The following SPEN variants were observed in gnomAD, a reference collection of about 807,000 sequenced individuals.
SPEN encodes the protein spen family transcriptional repressor.
A neutral mutation model predicts 269.9 loss-of-function variants in SPEN; 18 were observed. That is an observed-to-expected ratio of 0.07 (90% CI 0.05 to 0.10). SPEN has a LOEUF of 0.10. SPEN is among the 10% of genes least tolerant of loss of function. The probability of loss-of-function intolerance (pLI) is 1.00; values close to 1 mark genes in which losing one functional copy is unlikely to be tolerated. For synonymous variants in SPEN, 1,726 were observed against 1,765.7 expected (o/e 0.98, Z 0.56); for missense variants, 3,822 against 4,631.2 (o/e 0.83, Z 5.07).
In SPEN at chr1:15,928,975, C is replaced by T; in HGVS notation, c.2735C>T (p.Ala912Val). The T allele has an allele frequency of 6.2e-7, 1 of 1,614,172 alleles. No homozygotes were observed. The highest frequency in any genetic ancestry group is 8.5e-7 in the Non-Finnish European group (1 of 1,180,036). Residue 912 changes from alanine (A) to valine (V), a missense_variant, in exon 11 of 15, where the codon GCC becomes GTC. This residue lies in a region of SPEN where 572 missense variants were observed against 582.6 expected (regional missense o/e 0.98). Coordinates refer to ENST00000375759, the MANE Select transcript of SPEN (RefSeq NM_015001.3). The surrounding 1 kb of genome is among the most constrained non-coding windows in gnomAD (Gnocchi z 5.7). Reference protein sequence around the residue: ...KLDNDTVKSSALDQKLQVSQT... With the variant: ...KLDNDTVKSSVLDQKLQVSQT... ...GATAATGACACTGTCAAATCTTCTG[C>T]CCTGGACCAGAAACTTCAGGTCTCT...
chr1:15,932,165 C>G lies in SPEN; in HGVS notation c.5925C>G (p.Leu1975=), dbSNP rs751872803. 15 of 1,612,380 alleles carry G rather than the reference C, an allele frequency of 9.3e-6. No individual in the cohort carries two copies. In the Admixed American group the frequency reaches 2.2e-4, roughly 23 times the overall value. The change falls in exon 11 of 15, where the codon CTC becomes CTG. Residue 1975 remains leucine (L), a synonymous_variant. Transcript: ENST00000375759. The surrounding 1 kb of genome is among the most constrained non-coding windows in gnomAD (Gnocchi z 4.2). ...ENEAKEPAET[L]KPPEGWRSPR... is the part of the protein sequence containing the mutation. ...AGGCCAAGGAACCTGCAGAAACACT[C>G]AAGCCACCTGAGGGATGGCGGTCGC...
At chr1:15,859,881 G>T (rs2070425700) in intron 1 of SPEN, among the ~76,000 whole-genome samples, 1 of 137,586 alleles carries the variant, frequency 7.3e-6, no homozygotes, top group African/African-American at 2.7e-5. Context: ...TATTTAATAA[G>T]TATAAAGAAT....
rs572038841 is a variant in SPEN at position 15,860,059 on chromosome 1, C to T, written c.83+11909C>T. ...CCTGAGTAGCTGGGATTACAGGCGC[C>T]CGCCACCACACCCGGCTAATTTTTT... is the stretch of plus-strand genomic sequence containing the variant. On this transcript the variant is annotated intron_variant, in intron 1 of 14. Transcript: ENST00000375759. Among the ~76,000 whole-genome samples the T allele has an allele frequency of 2.8e-3, 425 of 151,216 alleles. 3 individuals carry two copies. The highest frequency in any genetic ancestry group is 3.9e-3 in the Non-Finnish European group (267 of 67,762).
In SPEN at chr1:15,929,319, G is replaced by A; in HGVS notation, c.3079G>A (p.Val1027Ile). The A allele has an allele frequency of 1.2e-6, 2 of 1,614,072 alleles. No individual in the cohort carries two copies. The change falls in exon 11 of 15, where the codon GTC (valine) becomes ATC (isoleucine). Residue 1027 changes from valine (V) to isoleucine (I), a missense_variant. Coordinates refer to ENST00000375759, the MANE Select transcript of SPEN (RefSeq NM_015001.3). The surrounding 1 kb of genome is among the most constrained non-coding windows in gnomAD (Gnocchi z 5.8). ...GCAGCCTGACGTGTCCTCTAGAGAG[G>A]TCATTCTGCTGAGGGAAGGAGAGGC... ...KKQPDVSSREVILLREGEAER... is the reference protein window; with the variant it reads ...KKQPDVSSREIILLREGEAER...
At chr1:15,882,191 C>G (rs1413419335) in intron 3 of SPEN, among the ~76,000 whole-genome samples, 2 of 152,190 alleles carry the variant, frequency 1.3e-5, no homozygotes, top group Admixed American at 1.3e-4. Context: ...TACTGCTCGA[C>G]GTCTTTTTGT....
intron 1 of SPEN, 72 bp from the exon 2 acceptor site, chr1:15,872,744 C>G: frequency 7.5e-7 from 1 of 1,325,100 alleles, no homozygotes; most frequent in South Asian, 1.7e-5. Flanking sequence ...GCAAATTGTC[C>G]AAAAAAAATC....
In SPEN at chr1:15,929,005, C is replaced by T. The variant is rs140341054; in HGVS notation, c.2765C>T (p.Thr922Met). The T allele has an allele frequency of 4.0e-4, 646 of 1,614,180 alleles. No individual in the cohort carries two copies. Among genetic ancestry groups the T allele is most frequent in the Non-Finnish European group, 5.2e-4 (616 of 1,180,050 alleles). ...ALDQKLQVSQ[T>M]EPAKSDLSKL... ...GACCAGAAACTTCAGGTCTCTCAGA[C>T]GGAGCCTGCAAAATCTGACTTGTCT... The change falls in exon 11 of 15, where the codon ACG becomes ATG. Residue 922 changes from threonine (T) to methionine (M), a missense_variant. Thr to Met is a moderately conservative substitution (Grantham distance 81, BLOSUM62 -1). Coordinates refer to ENST00000375759, the MANE Select transcript of SPEN (RefSeq NM_015001.3). The surrounding 1 kb of genome is among the most constrained non-coding windows in gnomAD (Gnocchi z 5.8).
intron 11 of SPEN, among the ~76,000 whole-genome samples, chr1:15,936,501 T>C (rs1465970169): frequency 2.0e-5 from 3 of 151,276 alleles, no homozygotes; most frequent in Non-Finnish European, 2.9e-5. Flanking sequence ...TTACAAAAAT[T>C]AGCCAGGTGT....
chr1:15,935,231 A>G lies in SPEN; in HGVS notation c.8991A>G (p.Glu2997=), dbSNP rs2071262788. 4 of 1,614,124 alleles carry G rather than the reference A, an allele frequency of 2.5e-6. No homozygotes were observed. Among genetic ancestry groups the G allele is most frequent in the Non-Finnish European group, 2.5e-6 (3 of 1,180,008 alleles). ...PPALPSKLPT[E]VNHVPSGPSI... ...CTCTGCCCAGCAAACTGCCTACAGA[A>G]GTCAACCATGTCCCCTCGGGGCCCA... Residue 2997 remains glutamate, a synonymous_variant, in exon 11 of 15, where the codon GAA becomes GAG. Transcript: ENST00000375759. The surrounding 1 kb of genome is among the most constrained non-coding windows in gnomAD (Gnocchi z 7.7).
intron 3 of SPEN, among the ~76,000 whole-genome samples, chr1:15,887,820 G>A (rs543853707): frequency 2.5e-4 from 38 of 150,686 alleles, no homozygotes; most frequent in African/African-American, 8.7e-4. Flanking sequence ...TCAGGAGTTC[G>A]AGACCAACCT....
chr1:15,886,869 G>GT (rs1182214603), intron 3 of SPEN, among the ~76,000 whole-genome samples: 1 of 152,160 alleles, frequency 6.6e-6, no homozygotes, highest in Non-Finnish European at 1.5e-5. Flanking sequence ...CAATTAGGTT[G>GT]TACTGAGGTT....
intron 3 of SPEN, among the ~76,000 whole-genome samples, chr1:15,902,398 T>C (rs182975499): frequency 6.6e-6 from 1 of 152,278 alleles, no homozygotes; most frequent in East Asian, 1.9e-4. Flanking sequence ...TAAAAGGATT[T>C]TGGGTCCTCA....
intron 10 of SPEN, among the ~76,000 whole-genome samples, chr1:15,925,342 A>G (rs1410016365): frequency 6.6e-6 from 1 of 152,138 alleles, no homozygotes; most frequent in Non-Finnish European, 1.5e-5. Context: ...GGTTTTGTGA[A>G]CAGAGTTCTC....
At chr1:15,910,627 G>GT (rs568465031) in intron 4 of SPEN, among the ~76,000 whole-genome samples, 14,296 of 141,708 alleles carry the variant, frequency 0.1, 811 homozygotes, top group African/African-American at 0.16. Flanking sequence ...ACTGTTTTTT[G>GT]TTTTTTTTTT....
chr1:15,891,350 A>G (rs2070786606), intron 3 of SPEN, among the ~76,000 whole-genome samples: 1 of 149,302 alleles, frequency 6.7e-6, no homozygotes, highest in African/African-American at 2.5e-5. Flanking sequence ...ACACTTAGCT[A>G]AATTTTTTTT....
Position 15,934,430 on chromosome 1 carries a change from T to A in SPEN, c.8190T>A (p.Ser2730Arg). The A allele has an allele frequency of 1.2e-6, 2 of 1,613,884 alleles. No homozygotes were observed. ...CAGGCACAGTCAATGCCGCTGCGAG[T>A]GCAGTGAATGCCACAGCAAGTGCAG... ...AAPGTVNAAA[S>R]AVNATASAVT... Residue 2730 changes from serine to arginine, a missense_variant, in exon 11 of 15, where the codon AGT becomes AGA. Around this residue, in one of 16 missense-constraint regions of SPEN, gnomAD observed 329 missense variants for 431.2 expected, o/e 0.76. Coordinates refer to ENST00000375759, the MANE Select transcript of SPEN (RefSeq NM_015001.3). The surrounding 1 kb of genome is among the most constrained non-coding windows in gnomAD (Gnocchi z 9.2).
chr1:15,918,418 C>G (rs887158490), intron 6 of SPEN, among the ~76,000 whole-genome samples: 1 of 152,164 alleles, frequency 6.6e-6, no homozygotes, highest in Non-Finnish European at 1.5e-5. Context: ...AGGTTTTCAC[C>G]GTGTTGGCCA....
chr1:15,918,293 A>T (rs980710086), intron 6 of SPEN, among the ~76,000 whole-genome samples: 2 of 152,276 alleles, frequency 1.3e-5, no homozygotes, highest in African/African-American at 4.8e-5. Flanking sequence ...ATCTTGGCTT[A>T]CCGCAACCTC....
Position 15,937,473 on chromosome 1 carries a change from C to T in SPEN, c.10337C>T (p.Ser3446Phe), listed in dbSNP as rs372207091. 2 of 1,613,918 alleles carry T rather than the reference C, an allele frequency of 1.2e-6. No homozygotes were observed. Among genetic ancestry groups the T allele is most frequent in the Non-Finnish European group, 1.7e-6 (2 of 1,180,040 alleles). The change falls in exon 12 of 15, where the codon TCT becomes TTT. Residue 3446 changes from serine to phenylalanine, a missense_variant. Around this residue, in one of 16 missense-constraint regions of SPEN, gnomAD observed 359 missense variants for 377.3 expected, o/e 0.95. Transcript: ENST00000375759. This position sits in a 1 kb window ranked among gnomAD's most constrained non-coding sequence, Gnocchi z 5.7. ...SVSMKPDLPV[S>F]LPTQTAPKQP... ...TCCATGAAGCCTGACCTTCCAGTCTCTCTTCCCACTCAGACTGCCCCAAAA... is the reference window on the plus strand; with the variant it reads ...TCCATGAAGCCTGACCTTCCAGTCTTTCTTCCCACTCAGACTGCCCCAAAA...
Sources: allele counts gnomAD v4.1 joint callset (sites outside exome capture counted in the v4.1 genomes callset), GRCh38; gene constraint gnomAD v4.1.1; regional missense constraint gnomAD v4.1.1; non-coding constraint Gnocchi (gnomAD v3.1); transcripts MANE v1.5; gene names NCBI Gene and HGNC (gene_info 2026-07-23, HGNC 2026-07-21).